Variants in WWC2 observed in about 807,000 individuals in gnomAD.
The protein encoded by WWC2 is protein WWC2.
WWC2 carries 101 observed loss-of-function variants against 138.5 expected under a neutral mutation model. The observed-to-expected ratio is 0.73, with a 90% confidence interval of 0.62 to 0.86. The LOEUF is 0.86. WWC2 is among the 40% of genes least tolerant of loss of function. The pLI, the probability that WWC2 is intolerant of heterozygous loss-of-function variation, is 0.00. For synonymous variants in WWC2, 558 were observed against 538.4 expected (o/e 1.04, Z -0.50); for missense variants, 1,420 against 1,419.4 (o/e 1.00, Z -0.01).
intron 1 of WWC2, among the ~76,000 whole-genome samples, chr4:183,183,504 G>A (rs1294042612): frequency 3.9e-5 from 6 of 152,140 alleles, no homozygotes; most frequent in South Asian, 2.1e-4. Flanking sequence ...CAAAACAGCC[G>A]GAAGCAGTGA....
At chr4:183,130,999 A>G (rs1732910269) in intron 1 of WWC2, among the ~76,000 whole-genome samples, 1 of 152,232 alleles carries the variant, frequency 6.6e-6, no homozygotes, top group African/African-American at 2.4e-5. Flanking sequence ...CACTGCAATC[A>G]AGACAGTGTG....
At chr4:183,313,846 G>A (rs902519142) in intron 22 of WWC2, among the ~76,000 whole-genome samples, 6 of 149,966 alleles carry the variant, frequency 4.0e-5, no homozygotes, top group Non-Finnish European at 7.4e-5. Flanking sequence ...GTACATCCGG[G>A]ATCCCTGGTG....
intron 1 of WWC2, among the ~76,000 whole-genome samples, chr4:183,173,045 C>T (rs1264091722): frequency 6.6e-6 from 1 of 151,822 alleles, no homozygotes; most frequent in Non-Finnish European, 1.5e-5. Flanking sequence ...TCTCTCCCCT[C>T]TCCTCCCCTC....
Position 183,315,738 on chromosome 4 carries a change from C to CT in WWC2, c.*11dup. ...CAGCTGATGATGTGTGATTACATGACTTAAGAAATTATTTTTTCATCTGTT... is the reference window on the plus strand; with the variant it reads ...CAGCTGATGATGTGTGATTACATGACTTTAAGAAATTATTTTTTCATCTGTT... On this transcript the variant is annotated 3_prime_UTR_variant, in exon 23 of 23. Coordinates refer to ENST00000403733, the MANE Select transcript of WWC2 (RefSeq NM_024949.6). 6.2e-7 allele frequency: 1 copy of CT among 1,605,936 alleles called. No individual in the cohort carries two copies. The highest frequency in any genetic ancestry group is 8.5e-7 in the Non-Finnish European group (1 of 1,174,492).
At chr4:183,202,716 C>T (rs967234965) in intron 2 of WWC2, among the ~76,000 whole-genome samples, 4 of 152,156 alleles carry the variant, frequency 2.6e-5, no homozygotes, top group Non-Finnish European at 5.9e-5. Flanking sequence ...TCATTTGTTA[C>T]AGCTGACTCT....
chr4:183,245,225 T>TAAAAAA (rs746541290), intron 5 of WWC2, among the ~76,000 whole-genome samples, 191 bp from the exon 6 acceptor site: 1 of 69,504 alleles, frequency 1.4e-5, no homozygotes, highest in Non-Finnish European at 3.2e-5. Context: ...AGACTCCATC[T>TAAAAAA]AAAAAAAAAA....
chr4:183,151,093 A>G (rs1452826839), intron 1 of WWC2, among the ~76,000 whole-genome samples: 1 of 152,214 alleles, frequency 6.6e-6, no homozygotes, highest in Non-Finnish European at 1.5e-5. Context: ...TTCTAGTTCT[A>G]GATCCTTGAG....
intron 4 of WWC2, among the ~76,000 whole-genome samples, chr4:183,215,738 C>G (rs924492336): frequency 3.3e-5 from 5 of 152,168 alleles, no homozygotes. Flanking sequence ...AAATCATTCA[C>G]TGGCACTGTG....
chr4:183,293,243 C>T (rs1001321606), intron 21 of WWC2, among the ~76,000 whole-genome samples: 1 of 152,088 alleles, frequency 6.6e-6, no homozygotes, highest in Non-Finnish European at 1.5e-5. Context: ...GCATGAGCCA[C>T]CACACCTGGC....
At chr4:183,187,669 G>A (rs1179206353) in intron 1 of WWC2, among the ~76,000 whole-genome samples, 1 of 151,328 alleles carries the variant, frequency 6.6e-6, no homozygotes, top group Admixed American at 6.6e-5. Context: ...TCAGGAGTTC[G>A]AGACCAGCCT....
At chr4:183,128,053 A>G (rs1033084475) in intron 1 of WWC2, among the ~76,000 whole-genome samples, 1 of 151,900 alleles carries the variant, frequency 6.6e-6, no homozygotes, top group African/African-American at 2.4e-5. Flanking sequence ...GAAAAAAAAA[A>G]AAAAAGGCCA....
chr4:183,165,717 G>A (rs1734112596), intron 1 of WWC2, among the ~76,000 whole-genome samples: 2 of 152,172 alleles, frequency 1.3e-5, no homozygotes, highest in Non-Finnish European at 2.9e-5. Context: ...AACTATATAG[G>A]TAATCAAAGA....
chr4:183,223,973 C>T (rs992066982), intron 4 of WWC2, among the ~76,000 whole-genome samples: 2 of 149,064 alleles, frequency 1.3e-5, no homozygotes, highest in Non-Finnish European at 2.9e-5. Context: ...TCAGGCTATC[C>T]CCCCCACCTC....
chr4:183,261,630 CCTTCT>C, intron 11 of WWC2, 98 bp downstream of exon 11: 1 of 1,342,528 alleles, frequency 7.4e-7, no homozygotes, highest in African/African-American at 1.5e-5. Flanking sequence ...GTATGATTCC[CCTTCT>C]CTTTCTTTTG....
intron 9 of WWC2, 22 bp downstream of exon 9, chr4:183,254,021 A>G: frequency 6.2e-7 from 1 of 1,608,186 alleles, no homozygotes; most frequent in Non-Finnish European, 8.5e-7. Context: ...TTCTGGAAAT[A>G]GGGCAGCTTA....
Position 183,137,055 on chromosome 4 carries a change from G to A in WWC2, c.131+37433G>A, listed in dbSNP as rs138040789. ...AAGTACTGTTTAGGGCCCTTAACAT[G>A]AATGGAGCTTGCAGGACTTCCAGGA... On this transcript the variant is annotated intron_variant, in intron 1 of 22. Transcript: ENST00000403733. Among the ~76,000 whole-genome samples the A allele has an allele frequency of 3.9e-3, 595 of 152,296 alleles. 3 individuals carry two copies. The highest frequency in any genetic ancestry group is 0.014 in the African/African-American group (570 of 41,556).
chr4:183,313,810 A>G (rs1739342284), intron 22 of WWC2, among the ~76,000 whole-genome samples: 1 of 150,440 alleles, frequency 6.6e-6, no homozygotes, highest in African/African-American at 2.5e-5. Context: ...GGGTGGGAAG[A>G]GGAGATTGAT....
chr4:183,165,078 A>C (rs1734094722), intron 1 of WWC2, among the ~76,000 whole-genome samples: 1 of 152,206 alleles, frequency 6.6e-6, no homozygotes, highest in Admixed American at 6.5e-5. Flanking sequence ...TGCATTTCAC[A>C]TTCCATTTGT....
intron 1 of WWC2, among the ~76,000 whole-genome samples, chr4:183,103,355 C>T (rs1384365582): frequency 2.3e-5 from 3 of 129,534 alleles, no homozygotes; most frequent in East Asian, 2.2e-4. Flanking sequence ...TTTTTTGAGA[C>T]GGTGTTTTCG....
Sources: gnomAD v4.1 joint callset for allele counts (sites outside exome capture counted in the v4.1 genomes callset) on GRCh38, gnomAD v4.1.1 for gene constraint, MANE v1.5 for transcripts, NCBI Gene and HGNC (gene_info 2026-07-23, HGNC 2026-07-21) for gene names.